Variants in SYT9 observed in about 807,000 individuals in gnomAD.
SYT9 encodes the protein synaptotagmin-9.
A neutral mutation model predicts 48.4 loss-of-function variants in SYT9; 22 were observed. The observed-to-expected ratio is 0.45, with a 90% CI of 0.32 to 0.65. SYT9 has a LOEUF of 0.65. SYT9 is among the 30% of genes least tolerant of loss of function. The pLI is 0.03. For synonymous variants in SYT9, 265 were observed against 245.0 expected, an observed-to-expected ratio of 1.08 and a Z score of -0.76; for missense variants, 577 against 622.0, an observed-to-expected ratio of 0.93 and a Z score of 0.77.
In SYT9 at chr11:7,368,653, A is replaced by G. The variant is rs534734931; in HGVS notation, c.1045-47389A>G. Among the ~76,000 whole-genome samples the G allele has an allele frequency of 8.5e-5, 13 of 152,260 alleles. No individual in the cohort carries two copies. In the South Asian group the frequency reaches 2.7e-3, roughly 32 times the overall value. On this transcript the variant is annotated intron_variant, in intron 3 of 6. Coordinates refer to ENST00000318881, the MANE Select transcript of SYT9 (RefSeq NM_175733.4). ...TTCCTGTGTTAGTTTTCTGAGAATGATGGCTTCCAGCTTCACCCATGTCCC... is the reference window on the plus strand; with the variant it reads ...TTCCTGTGTTAGTTTTCTGAGAATGGTGGCTTCCAGCTTCACCCATGTCCC...
At chr11:7,381,189 T>A (rs1029539700) in intron 3 of SYT9, among the ~76,000 whole-genome samples, 2 of 152,148 alleles carry the variant, frequency 1.3e-5, no homozygotes, top group Non-Finnish European at 2.9e-5. Context: ...TTACCAGATG[T>A]TGTGTCAAGG....
At chr11:7,335,223 A>T (rs1849613154) in intron 3 of SYT9, among the ~76,000 whole-genome samples, 1 of 152,120 alleles carries the variant, frequency 6.6e-6, no homozygotes, top group Admixed American at 6.5e-5. Context: ...CTAATAACAA[A>T]TGAAATTGAG....
chr11:7,391,596 A>T (rs552783698), intron 3 of SYT9, among the ~76,000 whole-genome samples: 11 of 151,734 alleles, frequency 7.2e-5, no homozygotes, highest in Non-Finnish European at 1.5e-4. Flanking sequence ...TATATGTCTT[A>T]TTTTGAGAAG....
intron 3 of SYT9, among the ~76,000 whole-genome samples, chr11:7,380,361 T>C (rs939859795): frequency 3.3e-5 from 5 of 152,102 alleles, no homozygotes; most frequent in Admixed American, 1.3e-4. Flanking sequence ...AGACCTACTA[T>C]TCGATAGCAC....
chr11:7,274,874 C>T (rs1848358810), intron 1 of SYT9, among the ~76,000 whole-genome samples: 1 of 152,128 alleles, frequency 6.6e-6, no homozygotes, highest in African/African-American at 2.4e-5. Context: ...TCCCCAACCT[C>T]TTCCTCATGG....
intron 3 of SYT9, among the ~76,000 whole-genome samples, chr11:7,411,598 G>T (rs970182489): frequency 6.6e-6 from 1 of 152,104 alleles, no homozygotes; most frequent in African/African-American, 2.4e-5. Flanking sequence ...GCCTGATGGG[G>T]TTTCCTTTAT....
intron 3 of SYT9, among the ~76,000 whole-genome samples, chr11:7,316,785 T>A (rs893986682): frequency 2.6e-5 from 4 of 152,240 alleles, no homozygotes. Context: ...CCACTTTCTC[T>A]CCAACTCTTG....
At chr11:7,341,079 C>A (rs1452157014) in intron 3 of SYT9, among the ~76,000 whole-genome samples, 1 of 152,192 alleles carries the variant, frequency 6.6e-6, no homozygotes, top group Non-Finnish European at 1.5e-5. Flanking sequence ...CTGGAAAACA[C>A]CAGCAGAGGT....
chr11:7,286,115 C>T (rs1848590782), intron 1 of SYT9, among the ~76,000 whole-genome samples: 1 of 152,238 alleles, frequency 6.6e-6, no homozygotes, highest in South Asian at 2.1e-4. Context: ...AGTGGGGACT[C>T]TGTGTGAGGG....
At chr11:7,316,036 C>T (rs1849237117) in intron 3 of SYT9, among the ~76,000 whole-genome samples, 1 of 144,220 alleles carries the variant, frequency 6.9e-6, no homozygotes, top group Non-Finnish European at 1.5e-5. Context: ...TTATTACATT[C>T]CATTTTAAAA....
chr11:7,286,011 T>C (rs1205873968), intron 1 of SYT9, among the ~76,000 whole-genome samples: 1 of 152,196 alleles, frequency 6.6e-6, no homozygotes, highest in Non-Finnish European at 1.5e-5. Flanking sequence ...CCTGTGGCTT[T>C]TCCAGGCACA....
chr11:7,314,917 T>C (rs113332213), intron 3 of SYT9, among the ~76,000 whole-genome samples: 5 of 152,280 alleles, frequency 3.3e-5, no homozygotes, highest in African/African-American at 4.8e-5. Flanking sequence ...GGAGCCTATT[T>C]AGTGAAAGAC....
chr11:7,352,178 G>T, intron 3 of SYT9, among the ~76,000 whole-genome samples: 1 of 152,190 alleles, frequency 6.6e-6, no homozygotes, highest in East Asian at 1.9e-4. Flanking sequence ...ATCTGCCTCA[G>T]ACTGACTTCT....
chr11:7,240,549 C>T (rs1847730226), intron 1 of SYT9, among the ~76,000 whole-genome samples: 1 of 152,172 alleles, frequency 6.6e-6, no homozygotes, highest in Non-Finnish European at 1.5e-5. Flanking sequence ...AATACGTCTT[C>T]TAGCATTCCT....
At chr11:7,376,370 TCC>T (rs1850454993) in intron 3 of SYT9, among the ~76,000 whole-genome samples, 1 of 146,402 alleles carries the variant, frequency 6.8e-6, no homozygotes, top group Non-Finnish European at 1.5e-5. Flanking sequence ...CCTTCCTTCC[TCC>T]TCCCCTCCCC....
chr11:7,329,344 T>C (rs1369060260), intron 3 of SYT9, among the ~76,000 whole-genome samples: 1 of 152,230 alleles, frequency 6.6e-6, no homozygotes, highest in Admixed American at 6.5e-5. Context: ...TTTAAATTGA[T>C]GTAATTTTCA....
intron 3 of SYT9, among the ~76,000 whole-genome samples, chr11:7,325,366 T>C (rs1306666164): frequency 7.3e-6 from 1 of 136,294 alleles, no homozygotes; most frequent in Non-Finnish European, 1.6e-5. Context: ...TTTATTCTCT[T>C]TGAAGCAATT....
At chr11:7,274,797 G>A (rs1354881536) in intron 1 of SYT9, among the ~76,000 whole-genome samples, 2 of 152,104 alleles carry the variant, frequency 1.3e-5, no homozygotes, top group Admixed American at 1.3e-4. Flanking sequence ...GGAAGAATGA[G>A]GAGTTTTCCC....
intron 3 of SYT9, among the ~76,000 whole-genome samples, chr11:7,406,556 ATATATATAT>A (rs1276996895): frequency 6.7e-6 from 1 of 148,800 alleles, no homozygotes; most frequent in Admixed American, 6.7e-5. Flanking sequence ...ATATATATAT[ATATATATAT>A]ATAGCACATT....
Sources: allele counts gnomAD v4.1 joint callset (sites outside exome capture counted in the v4.1 genomes callset), GRCh38; gene constraint gnomAD v4.1.1; transcripts MANE v1.5; gene names NCBI Gene and HGNC (gene_info 2026-07-23, HGNC 2026-07-21).